Variants in NLK observed in about 807,000 individuals in gnomAD.
NLK encodes serine/threonine-protein kinase NLK.
A neutral mutation model predicts 59.0 loss-of-function variants in NLK; 11 were observed. That is an observed-to-expected ratio of 0.19 (90% CI 0.12 to 0.31). The LOEUF (loss-of-function observed/expected upper bound fraction) is 0.31. Among genes scored for constraint, NLK ranks in the 10% least tolerant of loss-of-function variants. NLK has a pLI of 1.00. For missense variants in NLK, 410 were observed against 661.1 expected (o/e 0.62, Z 4.16); for synonymous variants, 235 against 235.9 (o/e 1.00, Z 0.03).
At chr17:28,083,268 T>C (rs1359321697) in intron 1 of NLK, among the ~76,000 whole-genome samples, 1 of 152,204 alleles carries the variant, frequency 6.6e-6, no homozygotes, top group Non-Finnish European at 1.5e-5. Flanking sequence ...TTGTAGGTGA[T>C]TGATAAATAT....
At chr17:28,066,821 A>G (rs984374067) in intron 1 of NLK, among the ~76,000 whole-genome samples, 10 of 152,168 alleles carry the variant, frequency 6.6e-5, no homozygotes, top group Admixed American at 5.2e-4. Context: ...AATACTGTTT[A>G]TAGTGGTTTT....
At chr17:28,164,632 T>C (rs1908146643) in intron 5 of NLK, among the ~76,000 whole-genome samples, 1 of 152,186 alleles carries the variant, frequency 6.6e-6, no homozygotes, top group East Asian at 1.9e-4. Context: ...CTACCTCTAA[T>C]ACAGATGTGT....
chr17:28,122,213 A>G (rs575462622), intron 1 of NLK, among the ~76,000 whole-genome samples: 1 of 152,342 alleles, frequency 6.6e-6, no homozygotes, highest in East Asian at 1.9e-4. Flanking sequence ...CTGAAAATAA[A>G]GCATAAAGCT....
chr17:28,138,877 G>A (rs757366225), intron 3 of NLK, among the ~76,000 whole-genome samples: 2 of 152,206 alleles, frequency 1.3e-5, no homozygotes, highest in Non-Finnish European at 2.9e-5. Context: ...TGAACCAATA[G>A]ATGATTTCTG....
At chr17:28,080,077 G>A (rs189709347) in intron 1 of NLK, among the ~76,000 whole-genome samples, 3 of 152,130 alleles carry the variant, frequency 2.0e-5, no homozygotes, top group Admixed American at 1.3e-4. Context: ...GCAGGTCAGC[G>A]ACTTCAGATC....
chr17:28,170,973 T>C (rs1217461195), intron 6 of NLK, among the ~76,000 whole-genome samples: 1 of 152,260 alleles, frequency 6.6e-6, no homozygotes, highest in South Asian at 2.1e-4. Context: ...GAAGTCATTA[T>C]TTCCTGTTGT....
chr17:28,046,671 A>G (rs1909066167), intron 1 of NLK, among the ~76,000 whole-genome samples: 2 of 152,180 alleles, frequency 1.3e-5, no homozygotes, highest in Admixed American at 1.3e-4. Flanking sequence ...AGATGTAACA[A>G]CTTTGGGACA....
intron 8 of NLK, among the ~76,000 whole-genome samples, chr17:28,186,196 T>G (rs951079444): frequency 1.3e-5 from 2 of 152,220 alleles, no homozygotes; most frequent in Non-Finnish European, 2.9e-5. Flanking sequence ...AAGTTTACAT[T>G]GGTCCATTTG....
At chr17:28,053,771 A>G (rs1909344759) in intron 1 of NLK, among the ~76,000 whole-genome samples, 1 of 152,210 alleles carries the variant, frequency 6.6e-6, no homozygotes, top group South Asian at 2.1e-4. Flanking sequence ...TGATCCGTCA[A>G]TTTACATAAG....
chr17:28,179,734 A>G (rs1779622135), intron 7 of NLK, among the ~76,000 whole-genome samples: 1 of 152,006 alleles, frequency 6.6e-6, no homozygotes, highest in South Asian at 2.1e-4. Flanking sequence ...ACTCAAACAA[A>G]GAGACAGGAT....
intron 3 of NLK, among the ~76,000 whole-genome samples, chr17:28,153,401 G>A (rs900154066): frequency 6.6e-6 from 1 of 152,150 alleles, no homozygotes; most frequent in Non-Finnish European, 1.5e-5. Flanking sequence ...AGGCTGGGAA[G>A]TCCAAAATCA....
At chr17:28,198,960 C>T (rs745894582), downstream of NLK, among the ~76,000 whole-genome samples, 4 of 152,166 alleles carry the variant, frequency 2.6e-5, no homozygotes, top group Non-Finnish European at 4.4e-5. Context: ...ATTCGTGGCA[C>T]AGCTGTGTCT....
chr17:28,157,501 A>G (rs1222843408), intron 3 of NLK, among the ~76,000 whole-genome samples: 1 of 151,724 alleles, frequency 6.6e-6, no homozygotes, highest in African/African-American at 2.4e-5. Context: ...TATTTCTTAA[A>G]CTTTTTATAG....
At chr17:28,178,949 C>T (rs1908790675) in intron 7 of NLK, among the ~76,000 whole-genome samples, 1 of 152,202 alleles carries the variant, frequency 6.6e-6, no homozygotes, top group African/African-American at 2.4e-5. Flanking sequence ...TAGCAACCAG[C>T]ATGCTGCAGT....
intron 1 of NLK, among the ~76,000 whole-genome samples, chr17:28,076,934 A>G (rs533429654): frequency 6.6e-6 from 1 of 152,240 alleles, no homozygotes; most frequent in African/African-American, 2.4e-5. Context: ...TGACAATTAT[A>G]TTCAGTCTGA....
chr17:28,152,678 C>T (rs1397633615), intron 3 of NLK, among the ~76,000 whole-genome samples: 1 of 151,884 alleles, frequency 6.6e-6, no homozygotes, highest in East Asian at 1.9e-4. Context: ...GGTGGGAGTG[C>T]GGTGGTGCAA....
At chr17:28,082,195 G>T (rs776210631) in intron 1 of NLK, among the ~76,000 whole-genome samples, 3 of 152,152 alleles carry the variant, frequency 2.0e-5, no homozygotes, top group Non-Finnish European at 2.9e-5. Flanking sequence ...GAGCCACTGC[G>T]CCCGGCCTGA....
intron 1 of NLK, among the ~76,000 whole-genome samples, chr17:28,087,667 CAG>C (rs1199219128): frequency 2.6e-5 from 4 of 151,902 alleles, no homozygotes; most frequent in Admixed American, 1.3e-4. Flanking sequence ...AAACTAGAAA[CAG>C]GGATTGGGCT....
chr17:28,133,015 A>G (rs2142022396), intron 3 of NLK, among the ~76,000 whole-genome samples: 1 of 152,342 alleles, frequency 6.6e-6, no homozygotes, highest in South Asian at 2.1e-4. Flanking sequence ...ACCACTATAC[A>G]ACAGCTGCCT....
Sources: gnomAD v4.1 joint callset for allele counts (sites outside exome capture counted in the v4.1 genomes callset) on GRCh38, gnomAD v4.1.1 for gene constraint, MANE v1.5 for transcripts, NCBI Gene and HGNC (gene_info 2026-07-23, HGNC 2026-07-21) for gene names.